The following TSHZ2 variants were observed in gnomAD, a reference collection of about 807,000 sequenced individuals.
The protein encoded by TSHZ2 is teashirt homolog 2.
A neutral mutation model predicts 74.4 loss-of-function variants in TSHZ2; 21 were observed. The observed-to-expected ratio is 0.28, with a 90% confidence interval of 0.20 to 0.41. The LOEUF (loss-of-function observed/expected upper bound fraction) is 0.41, where lower values mean the gene tolerates loss of function less well. TSHZ2 is among the 10% of genes least tolerant of loss of function. The pLI is 1.00. For synonymous variants in TSHZ2, 540 were observed against 515.3 expected (o/e 1.05, Z -0.65); for missense variants, 1,244 against 1,293.5 (o/e 0.96, Z 0.59).
chr20:53,199,461 G>A (rs911814299), intron 1 of TSHZ2, among the ~76,000 whole-genome samples: 1 of 152,158 alleles, frequency 6.6e-6, no homozygotes, highest in African/African-American at 2.4e-5. Flanking sequence ...GAGACAGGGT[G>A]AGACCCCATC....
intron 1 of TSHZ2, among the ~76,000 whole-genome samples, chr20:53,159,684 C>A (rs1987881881): frequency 6.6e-6 from 1 of 150,638 alleles, no homozygotes; most frequent in Non-Finnish European, 1.5e-5. Flanking sequence ...ACTTAAGTGA[C>A]CAAAGTCAAT....
At chr20:53,462,161 G>A (rs1172385834) in intron 2 of TSHZ2, among the ~76,000 whole-genome samples, 3 of 152,282 alleles carry the variant, frequency 2.0e-5, no homozygotes, top group African/African-American at 7.2e-5. Context: ...GGTTGAGGTG[G>A]AAGAATCACT....
intron 2 of TSHZ2, among the ~76,000 whole-genome samples, chr20:53,318,405 C>A (rs998968971): frequency 6.6e-6 from 1 of 152,214 alleles, no homozygotes; most frequent in Non-Finnish European, 1.5e-5. Context: ...ACCAGAGCTT[C>A]ATCCTGCTGC....
At chr20:53,274,391 T>C (rs1990900112) in intron 2 of TSHZ2, among the ~76,000 whole-genome samples, 1 of 152,224 alleles carries the variant, frequency 6.6e-6, no homozygotes, top group Non-Finnish European at 1.5e-5. Flanking sequence ...CATTCCTCTC[T>C]CCATTCTGTA....
chr20:53,120,165 A>T (rs1986771025), intron 1 of TSHZ2, among the ~76,000 whole-genome samples: 1 of 152,192 alleles, frequency 6.6e-6, no homozygotes, highest in Non-Finnish European at 1.5e-5. Context: ...TCCCTTCTCC[A>T]CATGGAATGA....
intron 1 of TSHZ2, among the ~76,000 whole-genome samples, chr20:53,100,010 G>A (rs143332858): frequency 1.3e-5 from 2 of 152,286 alleles, no homozygotes; most frequent in African/African-American, 4.8e-5. Flanking sequence ...AAGTGAATAA[G>A]CAAGTACTCA....
chr20:53,055,567 G>T (rs551027182), intron 1 of TSHZ2, among the ~76,000 whole-genome samples: 60 of 152,254 alleles, frequency 3.9e-4, no homozygotes, highest in African/African-American at 1.3e-3. Context: ...CAGAGGTAAT[G>T]AATCCATTCC....
At chr20:53,441,587 C>T (rs577518552) in intron 2 of TSHZ2, among the ~76,000 whole-genome samples, 31 of 147,266 alleles carry the variant, frequency 2.1e-4, no homozygotes, top group South Asian at 6.6e-4. Flanking sequence ...CGCCCAGCCT[C>T]GTATTTTATT....
chr20:53,233,109 C>T (rs1006669633), intron 1 of TSHZ2, among the ~76,000 whole-genome samples: 3 of 152,206 alleles, frequency 2.0e-5, no homozygotes, highest in African/African-American at 4.8e-5. Context: ...CAACTGCCCC[C>T]TGGCAGCCAT....
At chr20:53,065,269 C>T (rs569381687) in intron 1 of TSHZ2, among the ~76,000 whole-genome samples, 1 of 152,204 alleles carries the variant, frequency 6.6e-6, no homozygotes, top group South Asian at 2.1e-4. Flanking sequence ...TTATTGTTGT[C>T]GTGGTTGAGA....
At chr20:53,468,911 T>C (rs986239830) in intron 2 of TSHZ2, among the ~76,000 whole-genome samples, 1 of 150,142 alleles carries the variant, frequency 6.7e-6, no homozygotes, top group Non-Finnish European at 1.5e-5. Context: ...ATCATGATCA[T>C]GTCCCCTTAT....
intron 2 of TSHZ2, among the ~76,000 whole-genome samples, chr20:53,482,879 C>CACTCT: frequency 6.6e-6 from 1 of 151,756 alleles, no homozygotes; most frequent in East Asian, 1.9e-4. Context: ...ATACTCAAGC[C>CACTCT]GGGGCAACAG....
intron 1 of TSHZ2, among the ~76,000 whole-genome samples, chr20:53,059,389 GGGCA>G (rs1015408731): frequency 6.6e-6 from 1 of 152,084 alleles, no homozygotes; most frequent in African/African-American, 2.4e-5. Flanking sequence ...ATGGTGCTTT[GGGCA>G]GAGGAAATGA....
At chr20:53,437,539 T>A (rs1984133820) in intron 2 of TSHZ2, among the ~76,000 whole-genome samples, 1 of 151,968 alleles carries the variant, frequency 6.6e-6, no homozygotes, top group Non-Finnish European at 1.5e-5. Context: ...CACAGAGGGA[T>A]TTTACTGGCT....
intron 1 of TSHZ2, among the ~76,000 whole-genome samples, chr20:53,241,070 C>G (rs539922560): frequency 1.3e-5 from 2 of 152,264 alleles, no homozygotes; most frequent in African/African-American, 4.8e-5. Flanking sequence ...CCTAAAGCCT[C>G]TTCCTATTTA....
chr20:53,251,480 T>C (rs2426478), intron 1 of TSHZ2, among the ~76,000 whole-genome samples: 78,939 of 152,060 alleles, frequency 0.52, 20,880 homozygotes, highest in East Asian at 0.69. Flanking sequence ...TTCGGCCATA[T>C]GGTCATTTTA....
intron 1 of TSHZ2, among the ~76,000 whole-genome samples, chr20:53,111,732 A>G (rs924494688): frequency 1.3e-5 from 2 of 152,218 alleles, no homozygotes; most frequent in African/African-American, 2.4e-5. Flanking sequence ...CCCAAGGCCA[A>G]CTAGAGGGGC....
intron 1 of TSHZ2, among the ~76,000 whole-genome samples, chr20:52,985,922 G>T (rs1311776963): frequency 6.6e-6 from 1 of 152,194 alleles, no homozygotes; most frequent in Non-Finnish European, 1.5e-5. Context: ...GGTAGATTAA[G>T]TAGCATTGAG....
chr20:53,206,240 TAATA>T lies in TSHZ2; in HGVS notation c.41-47252_41-47249del, dbSNP rs199693960. Among the ~76,000 whole-genome samples the T allele has an allele frequency of 4.1e-3, 631 of 152,058 alleles. 5 individuals carry two copies. Among genetic ancestry groups the T allele is most frequent in the African/African-American group, 0.014 (595 of 41,466 alleles). On this transcript the variant is annotated intron_variant, in intron 1 of 2. Coordinates refer to ENST00000371497, the MANE Select transcript of TSHZ2 (RefSeq NM_173485.6). ...CTCAAAAAAATTAAATAAAAAATAATAATAAATAAAGACACACATAGCAGTCACC... is the reference window on the plus strand; with the variant it reads ...CTCAAAAAAATTAAATAAAAAATAATAATAAAGACACACATAGCAGTCACC...
Sources: gnomAD v4.1 joint callset for allele counts (sites outside exome capture counted in the v4.1 genomes callset) on GRCh38, gnomAD v4.1.1 for gene constraint, MANE v1.5 for transcripts, NCBI Gene and HGNC (gene_info 2026-07-23, HGNC 2026-07-21) for gene names.